Variants in RABL2A observed in about 807,000 individuals in gnomAD.
RABL2A encodes RAB, member of RAS oncogene family like 2A.
In RABL2A, 17 loss-of-function variants were observed where a neutral mutation model predicts 30.7. That is an observed-to-expected ratio of 0.55 (90% CI 0.38 to 0.83). The LOEUF (loss-of-function observed/expected upper bound fraction) is 0.83. Ranked by LOEUF, RABL2A falls within the 40% of genes least tolerant of loss-of-function variation. The probability of loss-of-function intolerance (pLI) is 0.00; values close to 1 mark genes in which losing one functional copy is unlikely to be tolerated. For missense variants in RABL2A, 155 were observed against 272.6 expected (o/e 0.57, Z 3.04); for synonymous variants, 64 against 101.8 (o/e 0.63, Z 2.24).
At chr2:113,632,089 A>G (rs1323090119) in intron 2 of RABL2A, among the ~76,000 whole-genome samples, 1 of 152,108 alleles carries the variant, frequency 6.6e-6, no homozygotes, top group Non-Finnish European at 1.5e-5. Context: ...CGTGAGGGAA[A>G]AAAGGTTGCA....
At chr2:113,632,313 G>A (rs901887153) in intron 2 of RABL2A, among the ~76,000 whole-genome samples, 1 of 152,224 alleles carries the variant, frequency 6.6e-6, no homozygotes, top group Non-Finnish European at 1.5e-5. Flanking sequence ...TTGCAGAGAG[G>A]AGTGACCAAG....
rs564781489 is a variant in RABL2A, at chr2:113,630,109, G to A, written c.107+1396G>A. ...CTCTTTATATGCCTCATTTCAAACA[G>A]TAACAAAAAATAAGAATCCAAGTAG... is the stretch of plus-strand genomic sequence containing the variant. On this transcript the variant is annotated intron_variant, in intron 2 of 8. Transcript: ENST00000683472. 3.3e-4 allele frequency among the ~76,000 whole-genome samples: 50 copies of A among 152,202 alleles called. 1 individual carries two copies. The South Asian group carries it at 9.8e-3, about 30-fold the overall frequency.
At chr2:113,629,615 A>C (rs1464019707) in intron 2 of RABL2A, among the ~76,000 whole-genome samples, 2 of 151,760 alleles carry the variant, frequency 1.3e-5, no homozygotes, top group Admixed American at 1.3e-4. Flanking sequence ...GCTCACTGCA[A>C]GCTCCGCCTC....
At chr2:113,638,259 C>G (rs1472586045) in intron 5 of RABL2A, 6 of 984,986 alleles carry the variant, frequency 6.1e-6, no homozygotes, top group Non-Finnish European at 3.6e-6. Flanking sequence ...TTCCTGCCAC[C>G]TCTTGAGATG....
chr2:113,634,330 G>A, intron 4 of RABL2A, 98 bp downstream of exon 4: 7 of 1,502,002 alleles, frequency 4.7e-6, no homozygotes, highest in South Asian at 2.4e-5. Context: ...AGTCCAGAGG[G>A]AGAAAATGAG....
intron 1 of RABL2A, 43 bp downstream of exon 1, chr2:113,627,443 ACAGCCCCTCCGAGGC>A (rs1678483550): frequency 6.6e-6 from 1 of 150,634 alleles, no homozygotes; most frequent in Admixed American, 6.6e-5. Flanking sequence ...GCACGCGGGG[ACAGCCCCTCCGAGGC>A]CTCCCTAGCG....
intron 5 of RABL2A, chr2:113,638,757 C>T (rs1241821596): frequency 5.2e-6 from 1 of 192,050 alleles, no homozygotes; most frequent in Non-Finnish European, 9.5e-6. Flanking sequence ...AATCCAGCTA[C>T]TCAGGAGGCT....
At chr2:113,638,836 G>A (rs1208072466) in intron 5 of RABL2A, among the ~76,000 whole-genome samples, 2 of 151,958 alleles carry the variant, frequency 1.3e-5, no homozygotes, top group Non-Finnish European at 2.9e-5. Context: ...CAGTGGCAGT[G>A]AGCCAAGATA....
At chr2:113,636,579 G>A (rs1455067812) in intron 5 of RABL2A, among the ~76,000 whole-genome samples, 4 of 152,056 alleles carry the variant, frequency 2.6e-5, no homozygotes, top group Non-Finnish European at 5.9e-5. Flanking sequence ...GCATCTCTCT[G>A]TCCATAGTCA....
At chr2:113,640,558 G>A (rs1288390885) in intron 5 of RABL2A, 2 of 316,690 alleles carry the variant, frequency 6.3e-6, no homozygotes, top group Non-Finnish European at 6.2e-6. Flanking sequence ...TGCATTTTTA[G>A]TAGAGACGGA....
chr2:113,637,532 C>T (rs1006700103), intron 5 of RABL2A: 6 of 1,197,912 alleles, frequency 5.0e-6, no homozygotes, highest in Non-Finnish European at 6.4e-6. Flanking sequence ...GAGGATTCTT[C>T]CCTTCTGACC....
At chr2:113,637,577 A>G (rs1250097576) in intron 5 of RABL2A, 2 of 1,209,298 alleles carry the variant, frequency 1.7e-6, no homozygotes, top group South Asian at 3.1e-5. Context: ...CTCGTCACCT[A>G]ATTCCCCCGA....
At chr2:113,640,583 G>T in intron 5 of RABL2A, 3 of 343,042 alleles carry the variant, frequency 8.7e-6, no homozygotes, top group South Asian at 7.6e-5. Context: ...CACCATGTTG[G>T]CCAGGCTGGT....
intron 2 of RABL2A, among the ~76,000 whole-genome samples, chr2:113,630,631 G>T (rs1679953967): frequency 6.7e-6 from 1 of 149,160 alleles, no homozygotes; most frequent in African/African-American, 2.5e-5. Context: ...TCTTTAAGGT[G>T]CCTTTTTTTT....
At chr2:113,628,951 C>T (rs535364974) in intron 2 of RABL2A, among the ~76,000 whole-genome samples, 121 of 151,644 alleles carry the variant, frequency 8.0e-4, no homozygotes, top group African/African-American at 2.8e-3. Context: ...CCTGAGAGAA[C>T]GTGTGGAGCA....
intron 7 of RABL2A, 39 bp downstream of exon 7, chr2:113,641,489 G>C: frequency 6.2e-7 from 1 of 1,611,088 alleles, no homozygotes; most frequent in Non-Finnish European, 8.5e-7. Context: ...AGGTCAGGGC[G>C]CTAGGTGGTA....
chr2:113,639,206 G>C (rs1243073664), intron 5 of RABL2A, among the ~76,000 whole-genome samples: 1 of 152,070 alleles, frequency 6.6e-6, no homozygotes, highest in Non-Finnish European at 1.5e-5. Context: ...AGGATCACTG[G>C]AGCCCAGGGG....
chr2:113,635,023 T>C (rs759719852), intron 4 of RABL2A, 28 bp from the exon 5 acceptor site: 7 of 1,614,070 alleles, frequency 4.3e-6, no homozygotes, highest in South Asian at 2.2e-5. Context: ...GCACCAGGCA[T>C]GTAGGTCTGT....
At chr2:113,632,627 C>T (rs1439842567) in intron 2 of RABL2A, among the ~76,000 whole-genome samples, 7 of 152,232 alleles carry the variant, frequency 4.6e-5, no homozygotes, top group African/African-American at 1.7e-4. Flanking sequence ...CTTTGCATAA[C>T]ACAAGGGTAA....
Sources: gnomAD v4.1 joint callset for allele counts (sites outside exome capture counted in the v4.1 genomes callset) on GRCh38, gnomAD v4.1.1 for gene constraint, MANE v1.5 for transcripts, NCBI Gene and HGNC (gene_info 2026-07-23, HGNC 2026-07-21) for gene names.